FOXN2: variants seen among roughly 807,000 people sequenced by gnomAD.
The protein encoded by FOXN2 is forkhead box N2, also known as forkhead box protein N2.
FOXN2 carries 19 observed loss-of-function variants against 41.2 expected under a neutral mutation model. The observed-to-expected ratio is 0.46, with a 90% confidence interval of 0.32 to 0.68. The LOEUF (loss-of-function observed/expected upper bound fraction) is 0.68, where lower values mean the gene tolerates loss of function less well. Ranked by LOEUF, FOXN2 falls within the 30% of genes least tolerant of loss-of-function variation. FOXN2 has a pLI of 0.03. For missense variants in FOXN2, 587 were observed against 509.4 expected, an observed-to-expected ratio of 1.15 and a Z score of -1.47; for synonymous variants, 195 against 176.8, an observed-to-expected ratio of 1.10 and a Z score of -0.82.
chr2:48,332,073 C>G lies in FOXN2; in HGVS notation c.-15+3371C>G, dbSNP rs527509168. On this transcript the variant is annotated intron_variant, in intron 2 of 6. Coordinates refer to ENST00000340553, the MANE Select transcript of FOXN2 (RefSeq NM_002158.4). ...GAATTCTGAAACAGAATAGTACATT[C>G]TAAATTAGTTGGACACAATGAATGT... Among the ~76,000 whole-genome samples the G allele has an allele frequency of 7.9e-5, 12 of 152,202 alleles. No individual in the cohort carries two copies. The South Asian group carries it at 2.3e-3, about 29-fold the overall frequency.
chr2:48,345,060 A>T (rs967208746), intron 2 of FOXN2, among the ~76,000 whole-genome samples: 1 of 152,208 alleles, frequency 6.6e-6, no homozygotes, highest in Non-Finnish European at 1.5e-5. Flanking sequence ...ATAATTTGAG[A>T]AAATAGAAAT....
intron 2 of FOXN2, among the ~76,000 whole-genome samples, chr2:48,344,277 C>G (rs62137005): frequency 6.6e-6 from 1 of 151,988 alleles, no homozygotes; most frequent in East Asian, 1.9e-4. Context: ...ATCGTTTGAT[C>G]TTTTCCTTTT....
chr2:48,372,718 G>T (rs577562270), intron 5 of FOXN2, among the ~76,000 whole-genome samples: 1 of 151,840 alleles, frequency 6.6e-6, no homozygotes, highest in Non-Finnish European at 1.5e-5. Context: ...TAAATTTGTC[G>T]TACATGTAGG....
chr2:48,354,717 T>C (rs1439950829), intron 3 of FOXN2, among the ~76,000 whole-genome samples: 2 of 152,232 alleles, frequency 1.3e-5, no homozygotes, highest in East Asian at 3.8e-4. Flanking sequence ...TATACCATTA[T>C]AGAAGAAACT....
At chr2:48,314,248 C>T (rs535771921), upstream of FOXN2, among the ~76,000 whole-genome samples, 1 of 152,376 alleles carries the variant, frequency 6.6e-6, no homozygotes, top group East Asian at 1.9e-4. Flanking sequence ...GGCAGCCTAG[C>T]CCCGCCCCCG....
chr2:48,352,430 T>G (rs1444704437), intron 3 of FOXN2, among the ~76,000 whole-genome samples: 1 of 152,266 alleles, frequency 6.6e-6, no homozygotes, highest in East Asian at 1.9e-4. Context: ...GTGTGGACTC[T>G]CCATCTTTTT....
chr2:48,319,838 C>T (rs1473603406), intron 1 of FOXN2, among the ~76,000 whole-genome samples: 2 of 135,604 alleles, frequency 1.5e-5, no homozygotes, highest in East Asian at 2.2e-4. Context: ...GACTATGTTG[C>T]CCAGGCTCGT....
Position 48,346,491 on chromosome 2 carries a change from G to T in FOXN2, c.277G>T (p.Val93Leu). 1 of 1,614,124 alleles carries T rather than the reference G, an allele frequency of 6.2e-7. No homozygotes were observed. Among genetic ancestry groups the T allele is most frequent in the Non-Finnish European group, 8.5e-7 (1 of 1,180,004 alleles). ...SPLYDIEGDD[V>L]PSFGPACYQN... ...ATTGTATGACATAGAGGGAGATGAT[G>T]TGCCATCCTTTGGACCAGCTTGCTA... The change falls in exon 3 of 7, where the codon GTG (valine) becomes TTG (leucine). Residue 93 changes from valine to leucine, a missense_variant. Physicochemically the swap from Val to Leu is conservative, Grantham distance 32. Coordinates refer to ENST00000340553, the MANE Select transcript of FOXN2 (RefSeq NM_002158.4).
At chr2:48,358,579 G>A (rs137930078) in intron 3 of FOXN2, among the ~76,000 whole-genome samples, 1 of 152,208 alleles carries the variant, frequency 6.6e-6, no homozygotes, top group African/African-American at 2.4e-5. Context: ...TAATAGACTA[G>A]TAGTACCTTG....
At chr2:48,358,927 C>A (rs926006937) in intron 3 of FOXN2, 120 bp from the exon 4 acceptor site, 5 of 699,188 alleles carry the variant, frequency 7.2e-6, no homozygotes, top group Middle Eastern at 4.2e-4. Context: ...TCACTTCAAC[C>A]TTAGTTTCAT....
At chr2:48,332,462 G>A (rs969514455) in intron 2 of FOXN2, among the ~76,000 whole-genome samples, 3 of 152,168 alleles carry the variant, frequency 2.0e-5, no homozygotes, top group African/African-American at 4.8e-5. Flanking sequence ...AAGTCGAATC[G>A]TAAAGAAAAT....
intron 1 of FOXN2, among the ~76,000 whole-genome samples, chr2:48,320,519 A>T (rs1026428560): frequency 3.9e-5 from 6 of 152,036 alleles, no homozygotes; most frequent in Non-Finnish European, 8.8e-5. Flanking sequence ...TTGAACCCTG[A>T]CCTCAAGTGA....
At chr2:48,360,059 A>G (rs17037289) in intron 4 of FOXN2, among the ~76,000 whole-genome samples, 33,650 of 152,024 alleles carry the variant, frequency 0.22, 4,039 homozygotes, top group East Asian at 0.45. Flanking sequence ...TCTGGTAAAT[A>G]TAGTTGTACT....
chr2:48,316,493 C>T lies in FOXN2; in HGVS notation c.-157+1679C>T, dbSNP rs192865329. On this transcript the variant is annotated intron_variant, in intron 1 of 6. Transcript: ENST00000340553. The stretch of plus-strand genomic sequence containing the variant: ...ACATAAAAATTGTGATCTAAACATA[C>T]GTAAATAAAATTACCAGTGAAAATA... Among the ~76,000 whole-genome samples, 404 of 152,068 alleles carry T rather than the reference C, an allele frequency of 2.7e-3. 2 individuals carry two copies. The highest frequency in any genetic ancestry group is 9.3e-3 in the African/African-American group (384 of 41,496).
intron 5 of FOXN2, among the ~76,000 whole-genome samples, chr2:48,365,387 CT>C (rs1384444256): frequency 6.6e-6 from 1 of 152,152 alleles, no homozygotes; most frequent in African/African-American, 2.4e-5. Flanking sequence ...GCCAAAATGC[CT>C]TTATCTTTGT....
intron 2 of FOXN2, among the ~76,000 whole-genome samples, chr2:48,341,240 G>T (rs1432902220): frequency 2.6e-5 from 4 of 152,042 alleles, no homozygotes; most frequent in Non-Finnish European, 5.9e-5. Flanking sequence ...TATTAATGCT[G>T]TGCTAGTGAA....
intron 2 of FOXN2, among the ~76,000 whole-genome samples, chr2:48,339,240 C>G (rs1670575335): frequency 1.3e-5 from 2 of 152,106 alleles, no homozygotes; most frequent in African/African-American, 4.8e-5. Context: ...TGGTCTGGCT[C>G]TGAGTCCCCA....
chr2:48,367,903 C>T (rs1243996180), intron 5 of FOXN2, among the ~76,000 whole-genome samples: 1 of 152,182 alleles, frequency 6.6e-6, no homozygotes, highest in East Asian at 1.9e-4. Context: ...AGTGCAGTGG[C>T]ACGATCTTCG....
chr2:48,357,504 C>CT (rs113343294), intron 3 of FOXN2, among the ~76,000 whole-genome samples: 11,711 of 144,218 alleles, frequency 0.081, 583 homozygotes, highest in Non-Finnish European at 0.12. Flanking sequence ...TTAATTCTTC[C>CT]TTTTTTTTTT....
Sources: allele counts gnomAD v4.1 joint callset (sites outside exome capture counted in the v4.1 genomes callset), GRCh38; gene constraint gnomAD v4.1.1; transcripts MANE v1.5; gene names NCBI Gene and HGNC (gene_info 2026-07-23, HGNC 2026-07-21).